The following MAP3K7CL variants were observed in gnomAD, a reference collection of about 807,000 sequenced individuals.
MAP3K7CL encodes MAP3K7 C-terminal-like protein.
Under a neutral mutation model 18.6 loss-of-function variants are expected in MAP3K7CL, and 16 were observed. The observed-to-expected ratio is 0.86, with a 90% CI of 0.58 to 1.31. The LOEUF is 1.31. Among genes scored for constraint, MAP3K7CL ranks in the 50% most tolerant of loss-of-function variants. MAP3K7CL has a pLI of 0.00. For missense variants in MAP3K7CL, 163 were observed against 174.4 expected (o/e 0.93, Z 0.37); for synonymous variants, 65 against 66.8 (o/e 0.97, Z 0.13).
At chr21:29,148,685 G>T (rs889392868) in intron 2 of MAP3K7CL, among the ~76,000 whole-genome samples, 2 of 152,152 alleles carry the variant, frequency 1.3e-5, no homozygotes, top group Non-Finnish European at 2.9e-5. Context: ...CTGTAACCCA[G>T]AATGAGTTTC....
At chr21:29,112,886 G>A (rs1305407647) in intron 4 of MAP3K7CL, among the ~76,000 whole-genome samples, 5 of 151,128 alleles carry the variant, frequency 3.3e-5, no homozygotes, top group African/African-American at 1.2e-4. Flanking sequence ...GCGCACCACT[G>A]CAACCTCTGC....
chr21:29,171,190 G>GT (rs775359029), intron 4 of MAP3K7CL, among the ~76,000 whole-genome samples: 19 of 151,920 alleles, frequency 1.3e-4, no homozygotes, highest in Non-Finnish European at 1.6e-4. Context: ...ATAAATTACT[G>GT]TATCTCTGAG....
At chr21:29,133,247 T>G (rs1285603749) in intron 1 of MAP3K7CL, 59 bp from the exon 2 acceptor site, 61 of 1,311,932 alleles carry the variant, frequency 4.6e-5, no homozygotes, top group Non-Finnish European at 5.9e-5. Context: ...CAAGGGCCTC[T>G]GAGTATTTAG....
At chr21:29,141,691 ATC>A (rs2087012795) in intron 2 of MAP3K7CL, among the ~76,000 whole-genome samples, 1 of 152,086 alleles carries the variant, frequency 6.6e-6, no homozygotes, top group East Asian at 1.9e-4. Flanking sequence ...GTCATCCCAA[ATC>A]TCTATCTTTA....
At chr21:29,153,556 C>T (rs1289713417) in intron 3 of MAP3K7CL, among the ~76,000 whole-genome samples, 1 of 152,124 alleles carries the variant, frequency 6.6e-6, no homozygotes, top group Non-Finnish European at 1.5e-5. Flanking sequence ...TCAGGTGATC[C>T]TCCCACCCCA....
chr21:29,087,372 T>TA (rs1199030106), intron 1 of MAP3K7CL, among the ~76,000 whole-genome samples: 1 of 152,224 alleles, frequency 6.6e-6, no homozygotes, highest in African/African-American at 2.4e-5. Flanking sequence ...AATTTGGATG[T>TA]AATCTTCCTG....
At chr21:29,116,335 A>G (rs958686123) in intron 4 of MAP3K7CL, among the ~76,000 whole-genome samples, 2 of 152,238 alleles carry the variant, frequency 1.3e-5, no homozygotes, top group Non-Finnish European at 2.9e-5. Flanking sequence ...TATAAGTACA[A>G]ATATTTAAAA....
At position 29,141,339 on chromosome 21, in the gene MAP3K7CL, C is replaced by A. The variant is rs77906129; in HGVS notation, c.71-7850C>A. On this transcript the variant is annotated intron_variant, in intron 2 of 4. Transcript: ENST00000399928. ...ACTATCCTGGCTAACGTGGTGAAAC[C>A]TGTCTCTACTAAAAATACAAAAAAT... Among the ~76,000 whole-genome samples, 1,227 of 149,140 alleles carry A rather than the reference C, an allele frequency of 8.2e-3. 21 individuals are homozygous for A. The highest frequency in any genetic ancestry group is 0.03 in the African/African-American group (1,173 of 38,912).
At chr21:29,123,404 C>A (rs911405089) in intron 4 of MAP3K7CL, among the ~76,000 whole-genome samples, 1 of 151,876 alleles carries the variant, frequency 6.6e-6, no homozygotes, top group Non-Finnish European at 1.5e-5. Flanking sequence ...ATGAAGTAGT[C>A]CTGCAAAAAA....
chr21:29,098,641 G>A (rs150462063), intron 4 of MAP3K7CL, among the ~76,000 whole-genome samples: 18 of 152,206 alleles, frequency 1.2e-4, no homozygotes, highest in African/African-American at 3.4e-4. Flanking sequence ...TTGCAAAGGC[G>A]GAAATTAGGA....
intron 4 of MAP3K7CL, among the ~76,000 whole-genome samples, chr21:29,172,233 G>A (rs529857507): frequency 0.011 from 1,242 of 117,152 alleles, 18 homozygotes; most frequent in East Asian, 0.071. Flanking sequence ...TGCCTGTGTT[G>A]TCATTTTCTT....
At chr21:29,132,603 G>A (rs756178218) in intron 1 of MAP3K7CL, among the ~76,000 whole-genome samples, 40 of 152,116 alleles carry the variant, frequency 2.6e-4, no homozygotes, top group African/African-American at 8.2e-4. Flanking sequence ...TCTGCCTCCC[G>A]GGTTCAAGCG....
chr21:29,127,788 C>G (rs1356487352), upstream of MAP3K7CL: 2 of 152,318 alleles, frequency 1.3e-5, no homozygotes, highest in African/African-American at 4.8e-5. Flanking sequence ...TGGGCAATCC[C>G]CAGGCTCACT....
intron 4 of MAP3K7CL, among the ~76,000 whole-genome samples, chr21:29,167,956 C>T (rs2087732859): frequency 6.6e-6 from 1 of 151,858 alleles, no homozygotes; most frequent in Non-Finnish European, 1.5e-5. Context: ...ACCTGGCCTC[C>T]CAAAGTGCTG....
chr21:29,148,870 G>T (rs2087204912), intron 2 of MAP3K7CL, among the ~76,000 whole-genome samples: 1 of 152,144 alleles, frequency 6.6e-6, no homozygotes, highest in South Asian at 2.1e-4. Context: ...AAAGCATTTT[G>T]TTTCATATCA....
chr21:29,109,775 A>G (rs776422172), intron 4 of MAP3K7CL: 37 of 985,470 alleles, frequency 3.8e-5, no homozygotes, highest in Non-Finnish European at 4.2e-5. Flanking sequence ...GGTCTAATAA[A>G]GTGTCTTTTA....
intron 1 of MAP3K7CL, among the ~76,000 whole-genome samples, chr21:29,087,919 A>G (rs1266064343): frequency 1.3e-5 from 2 of 152,128 alleles, no homozygotes; most frequent in African/African-American, 2.4e-5. Context: ...TGATCATGCT[A>G]TACAACACTA....
At chr21:29,161,030 G>A (rs188120134) in intron 4 of MAP3K7CL, among the ~76,000 whole-genome samples, 1 of 152,244 alleles carries the variant, frequency 6.6e-6, no homozygotes, top group African/African-American at 2.4e-5. Context: ...TTTTGTGGGG[G>A]CCGGGCGCAG....
At chr21:29,158,917 C>CTT (rs36003464) in intron 3 of MAP3K7CL, among the ~76,000 whole-genome samples, 15,273 of 100,412 alleles carry the variant, frequency 0.15, 2,861 homozygotes, top group African/African-American at 0.37. Flanking sequence ...AAAAGTAGTA[C>CTT]TTTTTTTTTT....
Sources: allele counts gnomAD v4.1 joint callset (sites outside exome capture counted in the v4.1 genomes callset), GRCh38; gene constraint gnomAD v4.1.1; transcripts MANE v1.5; gene names NCBI Gene and HGNC (gene_info 2026-07-23, HGNC 2026-07-21).